SAMMSON: variants seen among roughly 807,000 people sequenced by gnomAD.
The protein encoded by SAMMSON is long intergenic non-protein coding RNA 1212.
At position 70,011,176 on chromosome 3, in the gene SAMMSON, A is replaced by C. The variant is rs903166244; in HGVS notation, n.23-1181A>C. The stretch of plus-strand genomic sequence containing the variant: ...TTTACATATTTCTGAGGTGCATGCT[A>C]TCATCTGTTTTTTGTGAAGTTTACT... On this transcript the variant is annotated intron_variant and non_coding_transcript_variant, in intron 1 of 9. Transcript: ENST00000642114. Among the ~76,000 whole-genome samples, 41 of 152,122 alleles carry C rather than the reference A, an allele frequency of 2.7e-4. 1 individual carries two copies. The highest frequency in any genetic ancestry group is 9.4e-4 in the African/African-American group (39 of 41,398).
rs529232675 is a variant in SAMMSON, at chr3:70,000,172, A to T, written n.22+305A>T. Among the ~76,000 whole-genome samples the T allele has an allele frequency of 2.0e-3, 303 of 152,288 alleles. 2 individuals are homozygous for T. Among genetic ancestry groups the T allele is most frequent in the African/African-American group, 7.0e-3 (293 of 41,568 alleles). On this transcript the variant is annotated intron_variant and non_coding_transcript_variant, in intron 1 of 9. Coordinates refer to ENST00000642114, the Ensembl canonical transcript of SAMMSON. ...AACACACGCCTGCTGGGGCTTCAGG[A>T]GCACACACGTCCACTGGGGCTTCGG...
At position 70,356,996 on chromosome 3, in the gene SAMMSON, C is replaced by T. The variant is rs749368831; in HGVS notation, n.843-1258C>T. Among the ~76,000 whole-genome samples the T allele has an allele frequency of 5.1e-4, 77 of 152,060 alleles. 2 individuals are homozygous for T. Among genetic ancestry groups the T allele is most frequent in the Non-Finnish European group, 1.5e-4 (10 of 68,014 alleles). On this transcript the variant is annotated intron_variant and non_coding_transcript_variant, in intron 8 of 9. Coordinates refer to ENST00000642114, the Ensembl canonical transcript of SAMMSON. Reference sequence around the variant, plus strand: ...TTGCCAAAATGCATACAGTAAGTCACCTACTTTTGAAGTAGAATTAGTAGA... The same window carrying T: ...TTGCCAAAATGCATACAGTAAGTCATCTACTTTTGAAGTAGAATTAGTAGA...
intron 6 of SAMMSON, among the ~76,000 whole-genome samples, chr3:70,288,050 C>G (rs1004214299): frequency 1.3e-5 from 2 of 150,644 alleles, no homozygotes; most frequent in African/African-American, 4.9e-5. Context: ...TTTTGTGTCT[C>G]TATTTCCTTC....
intron 4 of SAMMSON, among the ~76,000 whole-genome samples, chr3:70,107,906 C>T (rs978807007): frequency 1.3e-5 from 2 of 152,098 alleles, no homozygotes; most frequent in African/African-American, 2.4e-5. Context: ...GGGAAGGATA[C>T]ACCTGGTACA....
chr3:70,432,745 T>G (rs1181738955), intron 2 of SAMMSON, among the ~76,000 whole-genome samples: 5 of 152,048 alleles, frequency 3.3e-5, no homozygotes, highest in African/African-American at 1.2e-4. Context: ...CAATGACATG[T>G]GCCCACCATT....
At chr3:70,017,205 C>T (rs1261828094) in intron 3 of SAMMSON, among the ~76,000 whole-genome samples, 1 of 152,156 alleles carries the variant, frequency 6.6e-6, no homozygotes, top group African/African-American at 2.4e-5. Flanking sequence ...GATATTGATT[C>T]TTCCTACCCA....
chr3:70,253,807 C>A (rs1346181451), intron 6 of SAMMSON, among the ~76,000 whole-genome samples: 1 of 152,076 alleles, frequency 6.6e-6, no homozygotes, highest in Admixed American at 6.6e-5. Context: ...TAAGACTATA[C>A]CATAACCCAT....
intron 7 of SAMMSON, among the ~76,000 whole-genome samples, chr3:70,327,004 A>T (rs1442517880): frequency 1.3e-5 from 2 of 152,118 alleles, no homozygotes; most frequent in Non-Finnish European, 2.9e-5. Flanking sequence ...GCTGACAGGC[A>T]TGTGCCACCA....
At chr3:70,104,453 C>T (rs945484894) in intron 4 of SAMMSON, among the ~76,000 whole-genome samples, 5 of 151,930 alleles carry the variant, frequency 3.3e-5, no homozygotes, top group Non-Finnish European at 5.9e-5. Context: ...TAATGTTTGC[C>T]ATTTGATGAT....
intron 4 of SAMMSON, chr3:70,196,916 C>T: frequency 2.5e-6 from 1 of 398,526 alleles, no homozygotes; most frequent in Non-Finnish European, 4.4e-6. Flanking sequence ...AATGTGGTTA[C>T]TTCACTGTGC....
At chr3:70,200,711 T>C (rs1457112903) in intron 4 of SAMMSON, among the ~76,000 whole-genome samples, 1 of 152,140 alleles carries the variant, frequency 6.6e-6, no homozygotes, top group African/African-American at 2.4e-5. Context: ...GAAAGCCATA[T>C]CTCTCTCTCT....
intron 1 of SAMMSON, among the ~76,000 whole-genome samples, chr3:70,000,942 G>T (rs996212600): frequency 1.3e-5 from 2 of 152,154 alleles, no homozygotes; most frequent in African/African-American, 4.8e-5. Flanking sequence ...CTTGCCGTAA[G>T]TCATTATTTC....
Position 70,274,090 on chromosome 3 carries a change from T to TGTGTGTGTGTGCGC in SAMMSON, n.675-17088_675-17087insTGTGTGTGTGCGCG, listed in dbSNP as rs770689062. On this transcript the variant is annotated intron_variant and non_coding_transcript_variant, in intron 6 of 9. Transcript: ENST00000642114. ...GTGTGTGTGTGTGTGTGTGTGTGTG[T>TGTGTGTGTGTGCGC]GCGCGCGCGCATGTGTGTGTGTGAG... Among the ~76,000 whole-genome samples, 9 of 145,062 alleles carry TGTGTGTGTGTGCGC rather than the reference T, an allele frequency of 6.2e-5. No individual in the cohort carries two copies. The South Asian group carries it at 2.0e-3, about 32-fold the overall frequency.
At chr3:70,119,946 TTTA>T (rs1338438071) in intron 4 of SAMMSON, among the ~76,000 whole-genome samples, 5 of 152,034 alleles carry the variant, frequency 3.3e-5, no homozygotes, top group East Asian at 1.9e-4. Context: ...AGTGGATAGA[TTTA>T]TTATTATTAT....
At chr3:70,206,651 T>C (rs1701293402) in intron 4 of SAMMSON, 1 of 397,844 alleles carries the variant, frequency 2.5e-6, no homozygotes, top group Non-Finnish European at 4.4e-6. Flanking sequence ...AGGACAGTGA[T>C]GTGCTGGATT....
At chr3:70,399,234 A>G (rs904461482) in intron 2 of SAMMSON, among the ~76,000 whole-genome samples, 3 of 152,146 alleles carry the variant, frequency 2.0e-5, no homozygotes, top group Non-Finnish European at 4.4e-5. Context: ...AGACTTTGTA[A>G]TAGGACACAC....
At chr3:70,100,526 G>C (rs866928997) in intron 4 of SAMMSON, among the ~76,000 whole-genome samples, 5 of 3,548 alleles carry the variant, frequency 1.4e-3, no homozygotes, top group Admixed American at 4.2e-3. Context: ...GGGGGGGGGG[G>C]GGGGGGGAAG....
intron 4 of SAMMSON, among the ~76,000 whole-genome samples, chr3:70,172,060 T>C (rs1447431852): frequency 6.6e-6 from 1 of 151,918 alleles, no homozygotes; most frequent in Non-Finnish European, 1.5e-5. Flanking sequence ...TAAACAACAA[T>C]GATTTAATCT....
chr3:70,142,179 G>A (rs1039040717), intron 4 of SAMMSON, among the ~76,000 whole-genome samples: 4 of 151,982 alleles, frequency 2.6e-5, no homozygotes, highest in African/African-American at 9.7e-5. Context: ...CCCACTGCTG[G>A]GTATCTACCC....
Sources: allele counts gnomAD v4.1 joint callset (sites outside exome capture counted in the v4.1 genomes callset), GRCh38; gene constraint gnomAD v4.1.1; transcripts MANE v1.5; gene names NCBI Gene and HGNC (gene_info 2026-07-23, HGNC 2026-07-21).